Variants in COL24A1 observed in about 807,000 individuals in gnomAD.
The protein encoded by COL24A1 is collagen alpha-1(XXIV) chain.
Under a neutral mutation model 253.9 loss-of-function variants are expected in COL24A1, and 224 were observed. The ratio of observed to expected loss-of-function variants is 0.88; its 90% CI spans 0.79 to 0.99. The LOEUF (loss-of-function observed/expected upper bound fraction) is 0.99, where lower values mean the gene tolerates loss of function less well. Ranked by LOEUF, COL24A1 falls within the 50% of genes least tolerant of loss-of-function variation. The pLI is 0.00. For missense variants in COL24A1, 2,131 were observed against 2,068.5 expected (o/e 1.03, Z -0.59); for synonymous variants, 685 against 673.7 (o/e 1.02, Z -0.26).
intron 39 of COL24A1, 44 bp downstream of exon 39, chr1:85,847,621 C>G: frequency 7.1e-7 from 1 of 1,406,770 alleles, no homozygotes; most frequent in Admixed American, 1.7e-5. Flanking sequence ...ACGTTTCTTT[C>G]CCATCCACAG....
At chr1:85,922,848 C>T (rs1470807580) in intron 24 of COL24A1, among the ~76,000 whole-genome samples, 5 of 152,114 alleles carry the variant, frequency 3.3e-5, no homozygotes, top group Non-Finnish European at 5.9e-5. Context: ...GGGCTAAATG[C>T]CCCAATTAAA....
At chr1:85,833,600 G>A (rs1223784889) in intron 43 of COL24A1, among the ~76,000 whole-genome samples, 1 of 152,178 alleles carries the variant, frequency 6.6e-6, no homozygotes, top group African/African-American at 2.4e-5. Flanking sequence ...ACTTGACCCA[G>A]CCATCCCATT....
In COL24A1 at chr1:85,909,920, A is replaced by C. The variant is rs768557032; in HGVS notation, c.2670+30T>G. On this transcript the variant is annotated intron_variant, in intron 26 of 59. Coordinates refer to ENST00000370571, the MANE Select transcript of COL24A1 (RefSeq NM_152890.7). ...ACTTGCTTTTATTGCATTCTTTGGA[A>C]ACATATTTTTCAAATCACTGAGCTC... 8.8e-6 allele frequency: 14 copies of C among 1,584,038 alleles called. No homozygotes were observed. The South Asian group carries it at 1.2e-4, about 14-fold the overall frequency.
chr1:86,084,415 C>A (rs1454114582), intron 7 of COL24A1, among the ~76,000 whole-genome samples: 1 of 152,200 alleles, frequency 6.6e-6, no homozygotes, highest in Non-Finnish European at 1.5e-5. Context: ...TCACTTAGAA[C>A]ATACTTCCCT....
intron 52 of COL24A1, among the ~76,000 whole-genome samples, chr1:85,777,964 A>C (rs562470288): frequency 1.3e-5 from 2 of 151,398 alleles, no homozygotes; most frequent in Admixed American, 6.6e-5. Flanking sequence ...TCATTTTTCT[A>C]TTGAACTTTC....
chr1:86,129,913 T>C (rs1401047089), intron 2 of COL24A1, among the ~76,000 whole-genome samples: 1 of 151,832 alleles, frequency 6.6e-6, no homozygotes, highest in Admixed American at 6.6e-5. Context: ...TTATATCCTC[T>C]ATATTCTTGT....
At chr1:85,818,472 C>T (rs1299322802) in intron 45 of COL24A1, among the ~76,000 whole-genome samples, 5 of 152,068 alleles carry the variant, frequency 3.3e-5, no homozygotes, top group Admixed American at 6.5e-5. Flanking sequence ...CTCTGTCATG[C>T]GCTTGGAAGG....
At chr1:86,072,628 G>A (rs1280606618) in intron 7 of COL24A1, among the ~76,000 whole-genome samples, 1 of 152,194 alleles carries the variant, frequency 6.6e-6, no homozygotes, top group Admixed American at 6.5e-5. Context: ...CAGCACTCGA[G>A]CTCTACTAAG....
At chr1:86,141,250 G>A (rs1299535779) in intron 2 of COL24A1, among the ~76,000 whole-genome samples, 1 of 152,196 alleles carries the variant, frequency 6.6e-6, no homozygotes, top group Non-Finnish European at 1.5e-5. Flanking sequence ...CTCAAGAATT[G>A]AAGGCACCAA....
At chr1:85,925,747 C>T (rs1329986427) in intron 24 of COL24A1, among the ~76,000 whole-genome samples, 1 of 152,132 alleles carries the variant, frequency 6.6e-6, no homozygotes, top group Non-Finnish European at 1.5e-5. Context: ...CATTACCATC[C>T]AGGCCATAGG....
intron 48 of COL24A1, among the ~76,000 whole-genome samples, chr1:85,784,823 T>G (rs1007632030): frequency 6.6e-6 from 1 of 152,086 alleles, no homozygotes; most frequent in East Asian, 1.9e-4. Context: ...CTTAAACTCC[T>G]GGGCTCAAGC....
At chr1:85,754,965 A>G (rs1449634409) in intron 55 of COL24A1, among the ~76,000 whole-genome samples, 1 of 152,178 alleles carries the variant, frequency 6.6e-6, no homozygotes. Flanking sequence ...ATATTAACCT[A>G]CACATCCGAG....
At chr1:85,745,978 A>G (rs1390376031) in intron 55 of COL24A1, among the ~76,000 whole-genome samples, 2 of 152,196 alleles carry the variant, frequency 1.3e-5, no homozygotes, top group Non-Finnish European at 2.9e-5. Flanking sequence ...TTTAAAAATA[A>G]TTTCTGAAGT....
intron 41 of COL24A1, among the ~76,000 whole-genome samples, chr1:85,841,793 T>A (rs1362626423): frequency 6.6e-6 from 1 of 152,174 alleles, no homozygotes; most frequent in African/African-American, 2.4e-5. Flanking sequence ...GCCTTACAAT[T>A]TCTTTAAATA....
chr1:86,093,790 C>A (rs10873745), intron 5 of COL24A1, among the ~76,000 whole-genome samples: 152,066 of 152,264 alleles, frequency 1, 75,935 homozygotes, highest in Non-Finnish European at 1. Context: ...ACAAATTTAC[C>A]AGAAAAATAC....
At chr1:85,955,673 T>C (rs913849320) in intron 24 of COL24A1, among the ~76,000 whole-genome samples, 1 of 152,104 alleles carries the variant, frequency 6.6e-6, no homozygotes, top group African/African-American at 2.4e-5. Context: ...ATAAGGGAAG[T>C]TTTCCCATTT....
chr1:85,906,903 C>G (rs1441772907), intron 28 of COL24A1, among the ~76,000 whole-genome samples: 1 of 151,650 alleles, frequency 6.6e-6, no homozygotes, highest in East Asian at 1.9e-4. Context: ...TCACATTTAC[C>G]ATTCTCTCAA....
At chr1:85,967,508 A>G (rs1048614741) in intron 22 of COL24A1, among the ~76,000 whole-genome samples, 1 of 152,132 alleles carries the variant, frequency 6.6e-6, no homozygotes. Flanking sequence ...AGAAAGAAAG[A>G]TGGTGGTTGG....
chr1:85,932,731 T>C (rs962703866), intron 24 of COL24A1, among the ~76,000 whole-genome samples: 1 of 106,266 alleles, frequency 9.4e-6, no homozygotes, highest in Non-Finnish European at 1.9e-5. Flanking sequence ...ATGTGGCACA[T>C]ATACACCATG....
Sources: allele counts gnomAD v4.1 joint callset (sites outside exome capture counted in the v4.1 genomes callset), GRCh38; gene constraint gnomAD v4.1.1; transcripts MANE v1.5; gene names NCBI Gene and HGNC (gene_info 2026-07-23, HGNC 2026-07-21).